The following SSPN variants were observed in gnomAD, a reference collection of about 807,000 sequenced individuals.
SSPN encodes the protein K-ras oncogene-associated protein.
SSPN carries 15 observed loss-of-function variants against 19.1 expected under a neutral mutation model. The ratio of observed to expected loss-of-function variants is 0.78; its 90% CI spans 0.52 to 1.21. SSPN has a LOEUF of 1.21. SSPN is among the 50% of genes most tolerant of loss of function. The pLI is 0.00. For synonymous variants in SSPN, 147 were observed against 140.3 expected, an observed-to-expected ratio of 1.05 and a Z score of -0.34; for missense variants, 291 against 314.0, an observed-to-expected ratio of 0.93 and a Z score of 0.55.
At chr12:26,167,045 A>G (rs1487805086) in intron 1 of SSPN, among the ~76,000 whole-genome samples, 1 of 152,258 alleles carries the variant, frequency 6.6e-6, no homozygotes, top group Non-Finnish European at 1.5e-5. Context: ...ACTAGCTACC[A>G]ATATTGAAAA....
intron 1 of SSPN, among the ~76,000 whole-genome samples, chr12:26,143,732 C>T (rs1039266420): frequency 2.0e-5 from 3 of 152,150 alleles, no homozygotes; most frequent in Non-Finnish European, 2.9e-5. Context: ...TGTGATGTAC[C>T]TTAAAACAGG....
In SSPN at chr12:26,232,712, C is replaced by A. The variant is rs1591901918; in HGVS notation, c.*1636C>A. The stretch of plus-strand genomic sequence containing the variant: ...CGGTAAGCTAGAGGATTGTAAATAT[C>A]TTTTATGTCCTCTAGATAAAACACC... On this transcript the variant is annotated 3_prime_UTR_variant, in exon 3 of 3. Coordinates refer to ENST00000242729, the MANE Select transcript of SSPN (RefSeq NM_005086.5). 5.1e-6 allele frequency: 5 copies of A among 984,512 alleles called. No individual in the cohort carries two copies. Among genetic ancestry groups the A allele is most frequent in the East Asian group, 1.1e-4 (1 of 8,804 alleles). The allele number at this position is 984,512 out of a possible 1,614,324, so 61.0% of individuals were successfully genotyped here.
chr12:26,157,093 A>G (rs1022669659), intron 1 of SSPN, among the ~76,000 whole-genome samples: 1 of 152,214 alleles, frequency 6.6e-6, no homozygotes, highest in Non-Finnish European at 1.5e-5. Context: ...TTTCATGTTT[A>G]GTAAAAACAA....
intron 1 of SSPN, among the ~76,000 whole-genome samples, chr12:26,159,662 G>A (rs1008466293): frequency 6.6e-6 from 1 of 152,216 alleles, no homozygotes; most frequent in Admixed American, 6.5e-5. Flanking sequence ...CAGAAGGGCT[G>A]ATGTGTGAAT....
rs534798085 is a variant in SSPN, at chr12:26,176,652, C to CA, written c.-30-47636dup. On this transcript the variant is annotated intron_variant, in intron 1 of 2. Transcript: ENST00000538142. Reference sequence around the variant, plus strand: ...CTTGCACCAATTAAAAATATTCTTCCAAAAATAGTTGAGATTTACATGTTC... The same window carrying CA: ...CTTGCACCAATTAAAAATATTCTTCCAAAAAATAGTTGAGATTTACATGTTC... Among the ~76,000 whole-genome samples, 37 of 152,250 alleles carry CA rather than the reference C, an allele frequency of 2.4e-4. No individual in the cohort carries two copies. The East Asian group carries it at 6.7e-3, about 28-fold the overall frequency.
chr12:26,131,180 C>A (rs186514970), intron 1 of SSPN, among the ~76,000 whole-genome samples: 1 of 152,134 alleles, frequency 6.6e-6, no homozygotes, highest in African/African-American at 2.4e-5. Flanking sequence ...GTATTTAATT[C>A]CAATTTCAGA....
At chr12:26,215,360 G>A (rs1398499809) in intron 1 of SSPN, among the ~76,000 whole-genome samples, 1 of 152,126 alleles carries the variant, frequency 6.6e-6, no homozygotes, top group Non-Finnish European at 1.5e-5. Context: ...AATTAGTAAT[G>A]AGTAATGTGC....
At chr12:26,206,651 C>T (rs1179615503) in intron 1 of SSPN, among the ~76,000 whole-genome samples, 6 of 152,158 alleles carry the variant, frequency 3.9e-5, no homozygotes, top group Non-Finnish European at 8.8e-5. Flanking sequence ...AGCAAGATTC[C>T]TTTCCCTCTT....
intron 1 of SSPN, among the ~76,000 whole-genome samples, chr12:26,181,940 G>C (rs886078881): frequency 6.6e-6 from 1 of 152,132 alleles, no homozygotes; most frequent in Non-Finnish European, 1.5e-5. Flanking sequence ...ATGTATTTTT[G>C]TTAGTTATTT....
At chr12:26,131,214 A>G (rs1944395654) in intron 1 of SSPN, among the ~76,000 whole-genome samples, 1 of 152,240 alleles carries the variant, frequency 6.6e-6, no homozygotes, top group African/African-American at 2.4e-5. Flanking sequence ...TCCTGTCTGC[A>G]ATTGCACAAA....
At chr12:26,182,937 A>G (rs1944729453) in intron 1 of SSPN, among the ~76,000 whole-genome samples, 1 of 151,266 alleles carries the variant, frequency 6.6e-6, no homozygotes, top group African/African-American at 2.4e-5. Flanking sequence ...TAATTTTCGT[A>G]TTTTTTTTAG....
chr12:26,229,004 G>T (rs993634676), intron 2 of SSPN, among the ~76,000 whole-genome samples: 1 of 152,018 alleles, frequency 6.6e-6, no homozygotes, highest in South Asian at 2.1e-4. Context: ...TTTTATGATG[G>T]TACCACTTTG....
At chr12:26,216,394 G>A (rs966025683) in intron 1 of SSPN, among the ~76,000 whole-genome samples, 1 of 151,278 alleles carries the variant, frequency 6.6e-6, no homozygotes, top group Non-Finnish European at 1.5e-5. Flanking sequence ...GTCTGTTCAT[G>A]TCCTTCGCCC....
At position 26,231,121 on chromosome 12, in the gene SSPN, T is replaced by A; in HGVS notation, c.*45T>A. The A allele has an allele frequency of 2.0e-6, 3 of 1,537,956 alleles. No homozygotes were observed. The highest frequency in any genetic ancestry group is 2.6e-6 in the Non-Finnish European group (3 of 1,143,870). On this transcript the variant is annotated 3_prime_UTR_variant, in exon 3 of 3. Coordinates refer to ENST00000242729, the MANE Select transcript of SSPN (RefSeq NM_005086.5). ...GAGAGAAAGTAGCACATGGAGTAGC[T>A]GAGGTTAAACAAACAAAAAAAAATT...
chr12:26,169,676 G>T (rs1050838564), intron 1 of SSPN, among the ~76,000 whole-genome samples: 3 of 152,028 alleles, frequency 2.0e-5, no homozygotes, highest in African/African-American at 7.2e-5. Flanking sequence ...GAGAGAAGAG[G>T]ATATGACATA....
At chr12:26,208,019 G>GGT (rs1491379856) in intron 1 of SSPN, among the ~76,000 whole-genome samples, 1 of 31,772 alleles carries the variant, frequency 3.1e-5, no homozygotes, top group Non-Finnish European at 6.7e-5. Flanking sequence ...TGGTGGTGGT[G>GGT]GGGGGGGGGG....
intron 1 of SSPN, among the ~76,000 whole-genome samples, chr12:26,217,852 C>G (rs550438960): frequency 6.6e-6 from 1 of 152,156 alleles, no homozygotes; most frequent in Non-Finnish European, 1.5e-5. Flanking sequence ...GAAATAGGAA[C>G]TTTTACACTG....
Position 26,219,622 on chromosome 12 carries a change from C to T in SSPN, c.280-4671C>T, listed in dbSNP as rs78617771. On this transcript the variant is annotated intron_variant, in intron 1 of 2. Transcript: ENST00000242729. Reference sequence around the variant, plus strand: ...GAATTTAGGACTTCAGTTTTCTCTTCACGCTAAACCAATTGTAGAAACACA... The same window carrying T: ...GAATTTAGGACTTCAGTTTTCTCTTTACGCTAAACCAATTGTAGAAACACA... Among the ~76,000 whole-genome samples the T allele has an allele frequency of 5.4e-4, 82 of 152,350 alleles. 1 individual carries two copies. The East Asian group carries it at 9.8e-3, about 18-fold the overall frequency.
chr12:26,200,580 A>C (rs1008336230), intron 1 of SSPN, among the ~76,000 whole-genome samples: 3 of 152,146 alleles, frequency 2.0e-5, no homozygotes, highest in African/African-American at 7.2e-5. Context: ...AAATGGTTTG[A>C]TCATGGTTAT....
Sources: gnomAD v4.1 joint callset for allele counts (sites outside exome capture counted in the v4.1 genomes callset) on GRCh38, gnomAD v4.1.1 for gene constraint, MANE v1.5 for transcripts, NCBI Gene and HGNC (gene_info 2026-07-23, HGNC 2026-07-21) for gene names.